ULK4: variants seen among roughly 807,000 people sequenced by gnomAD.
The protein encoded by ULK4 is inactive serine/threonine-protein kinase ULK4.
In ULK4, 133 loss-of-function variants were observed where a neutral mutation model predicts 160.6. That is an observed-to-expected ratio of 0.83 (90% confidence interval 0.72 to 0.96). The LOEUF (loss-of-function observed/expected upper bound fraction) is 0.96, where lower values mean the gene tolerates loss of function less well. Among genes scored for constraint, ULK4 ranks in the 40% least tolerant of loss-of-function variants. ULK4 has a pLI of 0.00. For missense variants in ULK4, 1,580 were observed against 1,499.5 expected (o/e 1.05, Z -0.89); for synonymous variants, 534 against 539.8 (o/e 0.99, Z 0.15).
chr3:41,735,714 A>ATTATTATTATTATTAT (rs1193815766), intron 22 of ULK4, among the ~76,000 whole-genome samples: 2 of 147,506 alleles, frequency 1.4e-5, no homozygotes, highest in Non-Finnish European at 3.0e-5. Flanking sequence ...TATTATTATT[A>ATTATTATTATTATTAT]TACTTTAAGT....
intron 22 of ULK4, among the ~76,000 whole-genome samples, chr3:41,737,547 G>T (rs567104436): frequency 3.3e-5 from 5 of 151,978 alleles, no homozygotes; most frequent in East Asian, 1.9e-4. Flanking sequence ...AAAAGAGCCC[G>T]CATTGCCAAG....
chr3:41,798,722 G>A (rs1480597558), intron 20 of ULK4, among the ~76,000 whole-genome samples: 1 of 151,818 alleles, frequency 6.6e-6, no homozygotes, highest in Non-Finnish European at 1.5e-5. Flanking sequence ...GGAATGGGGG[G>A]ATATGCAGCC....
chr3:41,756,363 C>T (rs1358739582), intron 21 of ULK4, among the ~76,000 whole-genome samples: 1 of 152,150 alleles, frequency 6.6e-6, no homozygotes, highest in Non-Finnish European at 1.5e-5. Context: ...GCAAATATAA[C>T]TCACCTATAA....
At chr3:41,684,125 A>G (rs1559483473) in intron 27 of ULK4, among the ~76,000 whole-genome samples, 1 of 152,216 alleles carries the variant, frequency 6.6e-6, no homozygotes, top group African/African-American at 2.4e-5. Flanking sequence ...TTCTCTTGTA[A>G]TGCAGCTTGG....
intron 22 of ULK4, among the ~76,000 whole-genome samples, chr3:41,748,292 TAC>T (rs943219357): frequency 2.0e-5 from 3 of 150,960 alleles, no homozygotes; most frequent in African/African-American, 4.9e-5. Context: ...ATTATATATA[TAC>T]ACACACACAG....
intron 32 of ULK4, among the ~76,000 whole-genome samples, chr3:41,531,994 T>TC (rs1431154325): frequency 6.6e-6 from 1 of 152,172 alleles, no homozygotes; most frequent in Non-Finnish European, 1.5e-5. Flanking sequence ...TTCTAGGCAC[T>TC]CCCCTGAATC....
chr3:41,723,872 C>T (rs1210611137), intron 22 of ULK4, among the ~76,000 whole-genome samples: 4 of 152,154 alleles, frequency 2.6e-5, no homozygotes, highest in African/African-American at 7.2e-5. Flanking sequence ...CGTTTCCTTC[C>T]GAGCATGTGA....
chr3:41,825,212 A>G (rs377527040), intron 18 of ULK4, among the ~76,000 whole-genome samples: 1 of 152,318 alleles, frequency 6.6e-6, no homozygotes, highest in Non-Finnish European at 1.5e-5. Context: ...CAAAGATGGA[A>G]AAAACAGAGC....
At chr3:41,813,158 A>G (rs2040866239) in intron 19 of ULK4, among the ~76,000 whole-genome samples, 1 of 152,186 alleles carries the variant, frequency 6.6e-6, no homozygotes, top group Admixed American at 6.5e-5. Flanking sequence ...CTGTCAGGGC[A>G]GGTGGGGGAG....
At chr3:41,769,097 A>C (rs558769099) in intron 21 of ULK4, among the ~76,000 whole-genome samples, 1 of 152,322 alleles carries the variant, frequency 6.6e-6, no homozygotes, top group South Asian at 2.1e-4. Flanking sequence ...AAACATCAAA[A>C]ATAAAAGGAA....
chr3:41,334,636 G>A (rs897192889), intron 35 of ULK4, among the ~76,000 whole-genome samples: 1 of 152,140 alleles, frequency 6.6e-6, no homozygotes, highest in African/African-American at 2.4e-5. Context: ...CACTTCCAGG[G>A]CTCTCCAAAT....
intron 35 of ULK4, among the ~76,000 whole-genome samples, chr3:41,363,609 G>A (rs2081191352): frequency 6.6e-6 from 1 of 152,222 alleles, no homozygotes; most frequent in South Asian, 2.1e-4. Flanking sequence ...CAGGAAGGGT[G>A]TGCATGATCA....
chr3:41,399,051 C>G (rs1457509921), intron 34 of ULK4, among the ~76,000 whole-genome samples: 8 of 152,158 alleles, frequency 5.3e-5, no homozygotes, highest in Non-Finnish European at 1.0e-4. Flanking sequence ...ACTTTACCTA[C>G]TGACCCGCTT....
chr3:41,317,797 A>G (rs1330045041), intron 35 of ULK4, among the ~76,000 whole-genome samples: 1 of 152,244 alleles, frequency 6.6e-6, no homozygotes, highest in African/African-American at 2.4e-5. Flanking sequence ...CCTGTAGCCC[A>G]GTGCTATCCA....
At chr3:41,734,147 C>T (rs889821845) in intron 22 of ULK4, among the ~76,000 whole-genome samples, 15 of 151,978 alleles carry the variant, frequency 9.9e-5, no homozygotes, top group African/African-American at 3.6e-4. Flanking sequence ...AGTGTCAGAG[C>T]AAATAAGAGA....
chr3:41,349,056 G>A (rs2080861094), intron 35 of ULK4, among the ~76,000 whole-genome samples: 1 of 152,150 alleles, frequency 6.6e-6, no homozygotes, highest in Admixed American at 6.5e-5. Flanking sequence ...AAATGGGGTT[G>A]GTGAAGCCCT....
chr3:41,480,698 T>G (rs1453533949), intron 32 of ULK4, among the ~76,000 whole-genome samples: 1 of 152,212 alleles, frequency 6.6e-6, no homozygotes, highest in Non-Finnish European at 1.5e-5. Flanking sequence ...AATAAAGACA[T>G]ACCCAAGACT....
intron 32 of ULK4, among the ~76,000 whole-genome samples, chr3:41,470,431 C>A (rs555994539): frequency 1.3e-5 from 2 of 152,210 alleles, no homozygotes; most frequent in African/African-American, 4.8e-5. Flanking sequence ...CAAATGCTAA[C>A]GGAATTCATC....
intron 2 of ULK4, among the ~76,000 whole-genome samples, chr3:41,941,027 G>A (rs1027965326): frequency 6.7e-6 from 1 of 148,796 alleles, no homozygotes; most frequent in African/African-American, 2.5e-5. Context: ...TTTCAATCCT[G>A]TTCTTAACCT....
Sources: allele counts gnomAD v4.1 joint callset (sites outside exome capture counted in the v4.1 genomes callset), GRCh38; gene constraint gnomAD v4.1.1; transcripts MANE v1.5; gene names NCBI Gene and HGNC (gene_info 2026-07-23, HGNC 2026-07-21).